RANGAP1: variants seen among roughly 807,000 people sequenced by gnomAD.
RANGAP1 encodes ran GTPase-activating protein 1.
RANGAP1 carries 38 observed loss-of-function variants against 63.5 expected under a neutral mutation model. That is an observed-to-expected ratio of 0.60 (90% confidence interval 0.46 to 0.78). The LOEUF is 0.78. Ranked by LOEUF, RANGAP1 falls within the 30% of genes least tolerant of loss-of-function variation. The pLI is 0.00. For synonymous variants in RANGAP1, 329 were observed against 310.5 expected (o/e 1.06, Z -0.63); for missense variants, 630 against 740.3 (o/e 0.85, Z 1.73).
rs2033280962 is a variant in RANGAP1 at position 41,249,463 on chromosome 22, A to G, written c.1573-12T>C. On this transcript the variant is annotated splice_polypyrimidine_tract_variant and intron_variant, in intron 14 of 15. Transcript: ENST00000356244. ...ACCTTGTCTTCACTCTGAGAGGAAC[A>G]CAGCGAAAAGCGGGGTGAGCTTCAA... 6.2e-7 allele frequency: 1 copy of G among 1,611,676 alleles called. No homozygotes were observed. Among genetic ancestry groups the G allele is most frequent in the Admixed American group, 1.7e-5 (1 of 59,714 alleles).
intron 15 of RANGAP1, among the ~76,000 whole-genome samples, chr22:41,247,974 G>A (rs1231845080): frequency 6.6e-6 from 1 of 152,210 alleles, no homozygotes; most frequent in Admixed American, 6.5e-5. Flanking sequence ...ACAAGGGCAA[G>A]AGGCACATGC....
the RANGAP1 span, among the ~76,000 whole-genome samples, chr22:41,296,675 A>G: frequency 6.6e-6 from 1 of 152,024 alleles, no homozygotes; most frequent in Non-Finnish European, 1.5e-5. Flanking sequence ...ACACACACAT[A>G]TATCAATGCT....
At chr22:41,263,963 G>A (rs1020293493) in intron 5 of RANGAP1, among the ~76,000 whole-genome samples, 6 of 152,272 alleles carry the variant, frequency 3.9e-5, no homozygotes, top group African/African-American at 1.4e-4. Context: ...TTCAGTGTGG[G>A]TGGGAAAAGT....
the RANGAP1 span, among the ~76,000 whole-genome samples, chr22:41,299,336 G>C: frequency 6.6e-6 from 1 of 152,006 alleles, no homozygotes. Flanking sequence ...GTTTCACCGT[G>C]TTAGCTGGGA....
chr22:41,261,720 A>G, intron 5 of RANGAP1, 140 bp from the exon 6 acceptor site: 1 of 938,892 alleles, frequency 1.1e-6, no homozygotes, highest in Non-Finnish European at 1.6e-6. Flanking sequence ...CTAACAGCTC[A>G]ACAGTCACAC....
At chr22:41,250,875 A>G in intron 13 of RANGAP1, 132 bp downstream of exon 13, 1 of 698,368 alleles carries the variant, frequency 1.4e-6, no homozygotes, top group Non-Finnish European at 2.4e-6. Context: ...GACGGAGGAA[A>G]AACTCAGGTG....
At chr22:41,252,791 C>T (rs2033555862) in intron 12 of RANGAP1, 81 bp downstream of exon 12, 3 of 1,416,706 alleles carry the variant, frequency 2.1e-6, no homozygotes, top group Non-Finnish European at 1.9e-6. Context: ...ACCCCCAGGT[C>T]TCTGAGCTGT....
chr22:41,246,236 GC>G lies in RANGAP1; in HGVS notation c.*366del, dbSNP rs2033017756. 1 of 194,440 alleles carries G rather than the reference GC, an allele frequency of 5.1e-6. No individual in the cohort carries two copies. 12.0% of individuals were successfully genotyped at this position (194,440 alleles called of 1,614,324 possible). A position where few individuals can be genotyped will look rare whatever the true frequency, so the allele number is the denominator to read the frequency against. ...GGTTCTGGCTCCGCCAGGGAGCCGG[GC>G]CGGAAGGCAGGTGGGTGGGGACGGC... On this transcript the variant is annotated 3_prime_UTR_variant, in exon 16 of 16. Coordinates refer to ENST00000356244, the MANE Select transcript of RANGAP1 (RefSeq NM_002883.4).
the RANGAP1 span, among the ~76,000 whole-genome samples, chr22:41,295,733 G>C: frequency 6.7e-6 from 1 of 150,266 alleles, no homozygotes; most frequent in Non-Finnish European, 1.5e-5. Context: ...TCTACTTCTG[G>C]AGAAACAAAT....
chr22:41,270,022 A>G (rs1258937643), intron 3 of RANGAP1, among the ~76,000 whole-genome samples: 1 of 150,644 alleles, frequency 6.6e-6, no homozygotes, highest in African/African-American at 2.5e-5. Flanking sequence ...TTTAGTGGAG[A>G]TGGGGTTTCG....
intron 2 of RANGAP1, among the ~76,000 whole-genome samples, chr22:41,278,274 G>T (rs1236698909): frequency 2.0e-5 from 3 of 152,024 alleles, no homozygotes; most frequent in African/African-American, 7.2e-5. Context: ...CCTGACCTCA[G>T]GTGATCTGCC....
chr22:41,277,611 A>G lies in RANGAP1; in HGVS notation c.113-2884T>C, dbSNP rs554993143. 30 of 736,690 alleles carry G rather than the reference A, an allele frequency of 4.1e-5. No homozygotes were observed. The African/African-American group carries it at 4.7e-4, about 12-fold the overall frequency. The allele number at this position is 736,690 out of a possible 1,614,324, so 45.6% of individuals were successfully genotyped here. On this transcript the variant is annotated intron_variant, in intron 2 of 15. Transcript: ENST00000356244. ...AGAAGGGTCTTGAGAAAGGACTTAT[A>G]ACCTAGCAGGGGCTCCCTAAGAAGT...
Position 41,256,728 on chromosome 22 carries a change from C to T in RANGAP1, c.871G>A (p.Gly291Ser), listed in dbSNP as rs143560227. Residue 291 changes from glycine (G) to serine (S), a missense_variant, in exon 8 of 16, where the codon GGC becomes AGC. Physicochemically the swap from Gly to Ser is moderately conservative, Grantham distance 56. Transcript: ENST00000356244. ...GCTGGCACCTTTAGCTTGGGCAGGC[C>T]GCCGCGGATGGCATCTGCAATGGCA... ...AVAIADAIRG[G>S]LPKLKELNLS... 104 of 1,613,834 alleles carry T rather than the reference C, an allele frequency of 6.4e-5. No individual in the cohort carries two copies. Among genetic ancestry groups the T allele is most frequent in the African/African-American group, 2.3e-4 (17 of 74,920 alleles).
chr22:41,265,543 G>C (rs1043997792), intron 4 of RANGAP1, among the ~76,000 whole-genome samples: 4 of 152,168 alleles, frequency 2.6e-5, no homozygotes, highest in African/African-American at 9.7e-5. Flanking sequence ...TGCAGGAGGA[G>C]GGAGGGAGGA....
chr22:41,294,739 C>A, the RANGAP1 span, among the ~76,000 whole-genome samples: 31 of 135,308 alleles, frequency 2.3e-4, no homozygotes, highest in South Asian at 7.7e-4. Flanking sequence ...CTCTGCCCGG[C>A]CGCCCCATCT....
At chr22:41,281,625 C>A (rs1481152509) in intron 1 of RANGAP1, 7 of 986,686 alleles carry the variant, frequency 7.1e-6, no homozygotes, top group Non-Finnish European at 8.4e-6. Context: ...TGGTTTCAAC[C>A]GTGGCCGGGA....
At chr22:41,274,772 A>G (rs1485759938) in intron 2 of RANGAP1, 45 bp from the exon 3 acceptor site, 4 of 1,609,656 alleles carry the variant, frequency 2.5e-6, no homozygotes, top group East Asian at 2.2e-5. Flanking sequence ...TGGAATCACA[A>G]ACAGCTAAGA....
chr22:41,262,427 C>A (rs762994384), intron 5 of RANGAP1, among the ~76,000 whole-genome samples: 1 of 152,092 alleles, frequency 6.6e-6, no homozygotes, highest in Non-Finnish European at 1.5e-5. Flanking sequence ...TTTCTTGTTT[C>A]AACCTCAACA....
intron 3 of RANGAP1, among the ~76,000 whole-genome samples, chr22:41,273,594 C>T (rs1046935460): frequency 6.6e-6 from 1 of 151,158 alleles, no homozygotes; most frequent in Admixed American, 6.6e-5. Context: ...AGTGAAACCC[C>T]GTCTCTACTA....
Sources: allele counts gnomAD v4.1 joint callset (sites outside exome capture counted in the v4.1 genomes callset), GRCh38; gene constraint gnomAD v4.1.1; transcripts MANE v1.5; gene names NCBI Gene and HGNC (gene_info 2026-07-23, HGNC 2026-07-21).